PDE4DIP: variants seen among roughly 807,000 people sequenced by gnomAD.
PDE4DIP encodes myomegalin.
PDE4DIP carries 59 observed loss-of-function variants against 221.4 expected under a neutral mutation model. The ratio of observed to expected loss-of-function variants is 0.27; its 90% CI spans 0.22 to 0.33. PDE4DIP has a LOEUF of 0.33. PDE4DIP is among the 10% of genes least tolerant of loss of function. The pLI, the probability that PDE4DIP is intolerant of heterozygous loss-of-function variation, is 1.00. For synonymous variants in PDE4DIP, 404 were observed against 815.9 expected (o/e 0.50, Z 8.60); for missense variants, 1,036 against 2,154.2 (o/e 0.48, Z 10.28).
chr1:149,031,808 C>G (rs1326324056), intron 43 of PDE4DIP, 136 bp from the exon 47 acceptor site: 8 of 794,580 alleles, frequency 1.0e-5, no homozygotes, highest in Non-Finnish European at 1.7e-5. Context: ...AGCGCATGCT[C>G]TTAGCTCATC....
exon 24 of PDE4DIP, chr1:149,001,620 A>G (rs782117019): frequency 1.2e-6 from 2 of 1,613,288 alleles, no homozygotes; most frequent in South Asian, 2.2e-5. Context: ...TGCCTTGAGA[A>G]TGCGGAGCTG....
intron 5 of PDE4DIP, among the ~76,000 whole-genome samples, chr1:148,959,119 T>C (rs2056192252): frequency 6.6e-6 from 1 of 152,178 alleles, no homozygotes. Flanking sequence ...ATAATATTTT[T>C]TGCATTTCCT....
chr1:148,818,039 A>T (rs1477155521), intron 1 of PDE4DIP, among the ~76,000 whole-genome samples: 1 of 149,704 alleles, frequency 6.7e-6, no homozygotes, highest in East Asian at 1.9e-4. Context: ...GTGGTCTCAA[A>T]CTTCTGACCT....
intron 1 of PDE4DIP, among the ~76,000 whole-genome samples, chr1:148,820,804 C>T (rs1193857800): frequency 1.4e-5 from 2 of 146,586 alleles, no homozygotes; most frequent in African/African-American, 5.1e-5. Context: ...AAATGATAAT[C>T]TTGAGACCCA....
At chr1:149,013,045 G>A (rs1356173082) in intron 32 of PDE4DIP, among the ~76,000 whole-genome samples, 1 of 152,162 alleles carries the variant, frequency 6.6e-6, no homozygotes, top group Non-Finnish European at 1.5e-5. Flanking sequence ...ATACCACCAA[G>A]TATGCTGAAT....
chr1:148,988,251 T>C (rs1312016463), intron 21 of PDE4DIP, among the ~76,000 whole-genome samples: 15 of 151,410 alleles, frequency 9.9e-5, no homozygotes, highest in African/African-American at 3.2e-4. Flanking sequence ...CTTCAACTTA[T>C]AAGCCCATGG....
At chr1:149,018,186 C>T (rs1435916946) in intron 34 of PDE4DIP, 14 of 385,538 alleles carry the variant, frequency 3.6e-5, no homozygotes, top group Non-Finnish European at 6.1e-5. Context: ...AGGGTCCTCC[C>T]ACCTCTACCC....
exon 19 of PDE4DIP, chr1:148,978,380 C>G: frequency 6.2e-7 from 1 of 1,610,126 alleles, no homozygotes; most frequent in African/African-American, 1.3e-5. Context: ...AGTAGAATCC[C>G]AGGGTCAAGA....
intron 21 of PDE4DIP, chr1:148,991,632 C>T (rs1444618360): frequency 7.8e-5 from 65 of 831,666 alleles, no homozygotes; most frequent in Non-Finnish European, 9.3e-5. Flanking sequence ...ACAGTCGGCT[C>T]CTTAGAAATG....
intron 1 of PDE4DIP, among the ~76,000 whole-genome samples, chr1:148,829,102 T>G (rs1671383801): frequency 6.8e-6 from 1 of 147,504 alleles, no homozygotes; most frequent in South Asian, 2.2e-4. Flanking sequence ...TGTCCACCTT[T>G]TCTGCTCCCT....
intron 5 of PDE4DIP, among the ~76,000 whole-genome samples, chr1:148,939,390 C>T (rs2050008619): frequency 6.6e-6 from 1 of 151,968 alleles, no homozygotes; most frequent in Admixed American, 6.6e-5. Flanking sequence ...CCAACCTTTC[C>T]ATTTCATGGC....
intron 21 of PDE4DIP, chr1:148,984,637 C>T (rs1195814510): frequency 6.6e-6 from 1 of 152,064 alleles, no homozygotes; most frequent in Non-Finnish European, 1.5e-5. Context: ...TTTCAGTTCT[C>T]TCTATGTTGA....
chr1:148,924,795 A>C (rs1318867500), intron 1 of PDE4DIP, among the ~76,000 whole-genome samples: 1,474 of 146,440 alleles, frequency 0.01, no homozygotes, highest in African/African-American at 0.039. Flanking sequence ...CTTGGTGATA[A>C]AATAAGCAAA....
chr1:149,010,276 A>G (rs1225825850), intron 30 of PDE4DIP, among the ~76,000 whole-genome samples, 167 bp from the exon 34 acceptor site: 8 of 152,064 alleles, frequency 5.3e-5, no homozygotes, highest in African/African-American at 1.4e-4. Context: ...TTGCCTCACT[A>G]TAGGAGCTGT....
At chr1:148,855,941 C>A (rs1362677846) in intron 1 of PDE4DIP, among the ~76,000 whole-genome samples, 1 of 132,932 alleles carries the variant, frequency 7.5e-6, no homozygotes, top group African/African-American at 2.6e-5. Context: ...GTTTCCACCA[C>A]CTTTCCCGCG....
At chr1:149,023,965 A>G (rs1412664812) in intron 37 of PDE4DIP, among the ~76,000 whole-genome samples, 1 of 151,180 alleles carries the variant, frequency 6.6e-6, no homozygotes, top group Non-Finnish European at 1.5e-5. Flanking sequence ...AGAGAGAGAA[A>G]TTGAAAAACT....
chr1:149,017,039 C>T (rs587639402), intron 33 of PDE4DIP, among the ~76,000 whole-genome samples: 10 of 151,954 alleles, frequency 6.6e-5, no homozygotes, highest in African/African-American at 1.2e-4. Flanking sequence ...GTAAGACAAT[C>T]GTAATTTTCA....
chr1:148,960,527 T>A (rs2056646874), intron 5 of PDE4DIP, 127 bp from the exon 9 acceptor site: 1 of 151,756 alleles, frequency 6.6e-6, no homozygotes, highest in Non-Finnish European at 1.2e-5. Flanking sequence ...TTCATACTGA[T>A]AATTTATGCA....
chr1:149,020,839 C>T, intron 36 of PDE4DIP, 190 bp from the exon 40 acceptor site: 1 of 565,818 alleles, frequency 1.8e-6, no homozygotes, highest in Non-Finnish European at 3.2e-6. Context: ...CCTCCCTCAG[C>T]CTCCATTTCC....
Sources: gnomAD v4.1 joint callset for allele counts (sites outside exome capture counted in the v4.1 genomes callset) on GRCh38, gnomAD v4.1.1 for gene constraint, MANE v1.5 for transcripts, NCBI Gene and HGNC (gene_info 2026-07-23, HGNC 2026-07-21) for gene names.